The following MED12 variants were observed in gnomAD, a reference collection of about 807,000 sequenced individuals.
MED12 encodes the protein mediator of RNA polymerase II transcription subunit 12.
In MED12, 10 loss-of-function variants were observed where a neutral mutation model predicts 177.7. That is an observed-to-expected ratio of 0.06 (90% CI 0.03 to 0.10). The LOEUF is 0.10. MED12 is among the 10% of genes least tolerant of loss of function. The probability of loss-of-function intolerance (pLI) is 1.00; values close to 1 mark genes in which losing one functional copy is unlikely to be tolerated. For missense variants in MED12, 867 were observed against 1,780.8 expected (o/e 0.49, Z 9.23); for synonymous variants, 641 against 678.4 (o/e 0.94, Z 0.86).
At chrX:71,120,615 ATT>A (rs375403373) in intron 4 of MED12, among the ~76,000 whole-genome samples, 41 of 101,449 alleles carry the variant, frequency 4.0e-4, no homozygotes, top group Admixed American at 2.5e-3. Flanking sequence ...AAGTAGAAGG[ATT>A]TTTTTTTTTT....
rs1474834283 is a variant in MED12, at chrX:71,141,960, C to T, written c.6486C>T (p.Leu2162=). Reference sequence around the variant, plus strand: ...TGGTCCGGCAACTTCAACAACAGCTCTCTAGTAAGCCTGCCTGCCTTCCCA... The same window carrying T: ...TGGTCCGGCAACTTCAACAACAGCTTTCTAGTAAGCCTGCCTGCCTTCCCA... ...AALVRQLQQQ[L]SNTQPQPSTN... Residue 2162 remains leucine, a synonymous_variant, in exon 44 of 45, where the codon CTC becomes CTT. Transcript: ENST00000374080. The T allele has an allele frequency of 1.9e-5, 23 of 1,210,848 alleles. No individual in the cohort carries two copies. The highest frequency in any genetic ancestry group is 2.5e-5 in the Non-Finnish European group (22 of 894,865).
Position 71,122,437 on chromosome X carries a change from C to T in MED12, c.1249-71C>T, listed in dbSNP as rs2092291689. On this transcript the variant is annotated intron_variant, in intron 8 of 44. Coordinates refer to ENST00000374080, the MANE Select transcript of MED12 (RefSeq NM_005120.3). Reference sequence around the variant, plus strand: ...TAGTGATTTGGAGTCTAGTACTATTCTTCTAGCCTGGGGCTCTGGCCTTTT... The same window carrying T: ...TAGTGATTTGGAGTCTAGTACTATTTTTCTAGCCTGGGGCTCTGGCCTTTT... 3 of 1,187,172 alleles carry T rather than the reference C, an allele frequency of 2.5e-6. No individual in the cohort carries two copies. In the Admixed American group the frequency reaches 6.5e-5, roughly 26 times the overall value.
intron 26 of MED12, 114 bp from the exon 27 acceptor site, chrX:71,129,566 T>A: frequency 1.9e-6 from 2 of 1,025,696 alleles, no homozygotes; most frequent in Non-Finnish European, 2.7e-6. Context: ...AGAAGTATAT[T>A]TCTGTCCCAT....
intron 42 of MED12, among the ~76,000 whole-genome samples, 159 bp downstream of exon 42, chrX:71,141,016 C>G (rs1374781230): frequency 1.8e-5 from 2 of 110,234 alleles, no homozygotes; most frequent in Admixed American, 9.7e-5. Context: ...CTACCCTCCC[C>G]CTTTTTGTTT....
intron 39 of MED12, 38 bp downstream of exon 39, chrX:71,137,421 G>T: frequency 8.4e-7 from 1 of 1,195,149 alleles, no homozygotes; most frequent in Non-Finnish European, 1.1e-6. Flanking sequence ...AGGGCTGTCA[G>T]GGAGAGGGGC....
intron 36 of MED12, among the ~76,000 whole-genome samples, 186 bp from the exon 37 acceptor site, chrX:71,136,095 C>T (rs374514242): frequency 9.1e-6 from 1 of 109,420 alleles, no homozygotes. Flanking sequence ...TCCCTGTGCC[C>T]CACCCTTCAC....
intron 33 of MED12, 131 bp downstream of exon 33, chrX:71,133,343 T>TC: frequency 4.1e-6 from 2 of 482,640 alleles, no homozygotes; most frequent in East Asian, 7.3e-5. Flanking sequence ...AGGGTTTTTT[T>TC]TTTTTTTGGA....
chrX:71,128,048 A>C lies in MED12; in HGVS notation c.3137A>C (p.Asn1046Thr). Reference protein sequence around the residue: ...YTGLGKSLSENPANRYSFVCN... With the variant: ...YTGLGKSLSETPANRYSFVCN... The stretch of plus-strand genomic sequence containing the variant: ...GGGCTAGGCAAGAGTCTTAGTGAGA[A>C]CCCTGCTAACCGCTACAGCTTTGTC... Residue 1046 changes from asparagine to threonine, a missense_variant, in exon 22 of 45, where the codon AAC (asparagine) becomes ACC (threonine). Physicochemically the swap from Asn to Thr is moderately conservative, Grantham distance 65 (BLOSUM62 0). Transcript: ENST00000374080. 1 of 1,211,090 alleles carries C rather than the reference A, an allele frequency of 8.3e-7. No individual in the cohort carries two copies. The highest frequency in any genetic ancestry group is 1.1e-6 in the Non-Finnish European group (1 of 895,306).
At chrX:71,122,628 A>G in intron 9 of MED12, 21 bp downstream of exon 9, 1 of 1,198,519 alleles carries the variant, frequency 8.3e-7, no homozygotes. Context: ...GAGAACAGAT[A>G]ATAGGAAATA....
intron 21 of MED12, 152 bp from the exon 22 acceptor site, chrX:71,127,741 G>A (rs2092306907): frequency 1.9e-6 from 1 of 521,837 alleles, no homozygotes; most frequent in East Asian, 3.6e-5. Flanking sequence ...TTCCTTTCCT[G>A]CCCAGTCTGT....
rs1303447725 is a variant in MED12 at position 71,136,129 on chromosome X, C to T, written c.5026-152C>T. On this transcript the variant is annotated intron_variant, in intron 36 of 44. Transcript: ENST00000374080. ...ACTCTCTCCCCGCATAACTCTCTTC[C>T]GCATGTATATGTGTATCCATGTCTG... is the stretch of plus-strand genomic sequence containing the variant. 42 of 652,151 alleles carry T rather than the reference C, an allele frequency of 6.4e-5. No individual in the cohort carries two copies. In the South Asian group the frequency reaches 8.1e-4, roughly 13 times the overall value. The allele number at this position is 652,151 out of a possible 1,213,427, so 53.7% of individuals were successfully genotyped here. A position where few individuals can be genotyped will look rare whatever the true frequency, so the allele number is the denominator to read the frequency against.
Position 71,130,101 on chromosome X carries a change from T to C in MED12, c.3934T>C (p.Leu1312=), listed in dbSNP as rs1406760316. ...CAGCAATGACCTGCAAGACCCAGTG[T>C]TGAGTAGTGCCCAGGCGCAGCGCCT... ...EDSNDLQDPV[L]SSAQAQRLMQ... is the part of the protein sequence containing the mutation. The change falls in exon 28 of 45, where the codon TTG becomes CTG. Residue 1312 remains leucine (L), a synonymous_variant. Transcript: ENST00000374080. The C allele has an allele frequency of 1.3e-5, 16 of 1,208,957 alleles. No individual in the cohort carries two copies. Among genetic ancestry groups the C allele is most frequent in the Non-Finnish European group, 1.8e-5 (16 of 894,403 alleles).
At chrX:71,131,463 G>C in intron 28 of MED12, 87 bp from the exon 29 acceptor site, 3 of 888,185 alleles carry the variant, frequency 3.4e-6, no homozygotes, top group Non-Finnish European at 5.0e-6. Flanking sequence ...ATTCAATGTT[G>C]CAGGAGATCA....
Position 71,137,541 on chromosome X carries a change from C to T in MED12, c.5749-17C>T. 9.2e-6 allele frequency: 11 copies of T among 1,202,171 alleles called. No homozygotes were observed. The highest frequency in any genetic ancestry group is 8.9e-5 in the South Asian group (5 of 56,438). ...AAGCATTTCCTGAGTTTGAGTTGTT[C>T]TCTTTTCTCCCTTTAGCAGAGTCAG... On this transcript the variant is annotated splice_polypyrimidine_tract_variant and intron_variant, in intron 39 of 44. Transcript: ENST00000374080.
chrX:71,134,627 C>T, intron 34 of MED12, 86 bp from the exon 35 acceptor site: 1 of 1,144,705 alleles, frequency 8.7e-7, no homozygotes, highest in Admixed American at 2.2e-5. Flanking sequence ...ATATTAAGCA[C>T]CTCTCCCTGC....
At chrX:71,141,795 C>G in intron 43 of MED12, 88 bp from the exon 44 acceptor site, 1 of 838,553 alleles carries the variant, frequency 1.2e-6, no homozygotes. Context: ...GAGCGAGACT[C>G]CATCTCAAAA....
chrX:71,137,655 A>G lies in MED12; in HGVS notation c.5826+20A>G. 1 of 1,205,227 alleles carries G rather than the reference A, an allele frequency of 8.3e-7. No individual in the cohort carries two copies. Among genetic ancestry groups the G allele is most frequent in the Non-Finnish European group, 1.1e-6 (1 of 890,424 alleles). ...TCCCAGGTAAGAGCCTGGGATTGTG[A>G]GACTAGGGGGATGAGGCAAGCTGCT... On this transcript the variant is annotated intron_variant, in intron 40 of 44. Transcript: ENST00000374080.
In MED12 at chrX:71,121,164, G is replaced by A; in HGVS notation, c.735+12G>A. 2.5e-6 allele frequency: 3 copies of A among 1,210,426 alleles called. No individual in the cohort carries two copies. The highest frequency in any genetic ancestry group is 3.4e-6 in the Non-Finnish European group (3 of 895,176). On this transcript the variant is annotated intron_variant, in intron 5 of 44. Coordinates refer to ENST00000374080, the MANE Select transcript of MED12 (RefSeq NM_005120.3). ...TGTTCATGTTTCAGGTAGAGAGTAGGGCATGCTGTGTGGGGCATTGGGTTG... is the reference window on the plus strand; with the variant it reads ...TGTTCATGTTTCAGGTAGAGAGTAGAGCATGCTGTGTGGGGCATTGGGTTG...
In MED12 at chrX:71,133,128, G is replaced by A; in HGVS notation, c.4533G>A (p.Val1511=). ...TSLYSQVHQI[V]NNWRDDQYLD... is the part of the protein sequence containing the mutation. The stretch of plus-strand genomic sequence containing the variant: ...TTTATTTGTTTCTATTCTAGATTGT[G>A]AATAATTGGCGAGATGACCAGTACT... Residue 1511 remains valine (V), a synonymous_variant, in exon 33 of 45, where the codon GTG becomes GTA. Transcript: ENST00000374080. The A allele has an allele frequency of 8.4e-7, 1 of 1,192,808 alleles. No individual in the cohort carries two copies. The highest frequency in any genetic ancestry group is 1.8e-5 in the South Asian group (1 of 56,573).
Sources: gnomAD v4.1 joint callset for allele counts (sites outside exome capture counted in the v4.1 genomes callset) on GRCh38, gnomAD v4.1.1 for gene constraint, MANE v1.5 for transcripts, NCBI Gene and HGNC (gene_info 2026-07-23, HGNC 2026-07-21) for gene names.